The following PTPRO variants were observed in gnomAD, a reference collection of about 807,000 sequenced individuals.
PTPRO encodes receptor-type tyrosine-protein phosphatase O.
In PTPRO, 62 loss-of-function variants were observed where a neutral mutation model predicts 145.2. That is an observed-to-expected ratio of 0.43 (90% CI 0.35 to 0.53). PTPRO has a LOEUF of 0.53. Among genes scored for constraint, PTPRO ranks in the 20% least tolerant of loss-of-function variants. The pLI, the probability that PTPRO is intolerant of heterozygous loss-of-function variation, is 0.01. For synonymous variants in PTPRO, 565 were observed against 514.7 expected, an observed-to-expected ratio of 1.10 and a Z score of -1.32; for missense variants, 1,345 against 1,482.7, an observed-to-expected ratio of 0.91 and a Z score of 1.53.
At position 15,502,014 on chromosome 12, in the gene PTPRO, C is replaced by T. The variant is rs781753478; in HGVS notation, c.1056C>T (p.Pro352=). 1.2e-6 allele frequency: 2 copies of T among 1,613,950 alleles called. No individual in the cohort carries two copies. ...PVQMILTWLP[P]KPPTAFDGFH... ...AAATGATATTGACCTGGTTACCACC[C>T]AAACCACCCACTGCTTTTGATGGGT... Residue 352 remains proline (P), a synonymous_variant, in exon 5 of 27, where the codon CCC becomes CCT. Coordinates refer to ENST00000281171, the MANE Select transcript of PTPRO (RefSeq NM_030667.3).
chr12:15,589,085 C>T lies in PTPRO; in HGVS notation c.3411-370C>T, dbSNP rs1268558527. Among the ~76,000 whole-genome samples, 3 of 152,150 alleles carry T rather than the reference C, an allele frequency of 2.0e-5. No individual in the cohort carries two copies. In the East Asian group the frequency reaches 5.8e-4, roughly 29 times the overall value. ...CAGTTTTATTTCAACAGTAAAGTAG[C>T]ACCATCTGGGCTGGCCGAGGTGGCT... is the stretch of plus-strand genomic sequence containing the variant. On this transcript the variant is annotated intron_variant, in intron 24 of 26. Coordinates refer to ENST00000281171, the MANE Select transcript of PTPRO (RefSeq NM_030667.3).
intron 1 of PTPRO, among the ~76,000 whole-genome samples, chr12:15,423,069 C>G (rs753725920): frequency 2.0e-5 from 3 of 152,128 alleles, no homozygotes; most frequent in Non-Finnish European, 4.4e-5. Context: ...ATTTTACATT[C>G]CAGGAGAGAA....
At chr12:15,425,429 T>C (rs531187177) in intron 1 of PTPRO, among the ~76,000 whole-genome samples, 1 of 152,298 alleles carries the variant, frequency 6.6e-6, no homozygotes, top group South Asian at 2.1e-4. Context: ...CAGGGAATGC[T>C]ACAAAGCCCT....
intron 1 of PTPRO, among the ~76,000 whole-genome samples, chr12:15,334,704 T>C (rs764284067): frequency 5.9e-5 from 9 of 152,106 alleles, no homozygotes; most frequent in East Asian, 1.9e-4. Flanking sequence ...AAGCCAAAAA[T>C]AGAAGGAAAA....
intron 1 of PTPRO, among the ~76,000 whole-genome samples, chr12:15,369,666 T>C (rs1273669820): frequency 6.6e-6 from 1 of 152,204 alleles, no homozygotes; most frequent in Non-Finnish European, 1.5e-5. Context: ...ATTTTCAGCC[T>C]CTAAATTCTC....
intron 1 of PTPRO, among the ~76,000 whole-genome samples, chr12:15,463,645 T>C (rs1941353888): frequency 6.6e-6 from 1 of 152,194 alleles, no homozygotes; most frequent in South Asian, 2.1e-4. Flanking sequence ...TTATTCCCAA[T>C]TTACAAGCTT....
intron 18 of PTPRO, among the ~76,000 whole-genome samples, chr12:15,568,989 C>T (rs1591749468): frequency 6.6e-6 from 1 of 152,172 alleles, no homozygotes; most frequent in African/African-American, 2.4e-5. Context: ...TGGATGAGAA[C>T]ATTGACTCTG....
At chr12:15,548,457 T>A (rs1018649196) in intron 13 of PTPRO, among the ~76,000 whole-genome samples, 32 of 152,170 alleles carry the variant, frequency 2.1e-4, no homozygotes, top group African/African-American at 7.7e-4. Flanking sequence ...TGAGTATATG[T>A]GTATGTGTGT....
chr12:15,406,434 T>A (rs1939649835), intron 1 of PTPRO, among the ~76,000 whole-genome samples: 1 of 152,224 alleles, frequency 6.6e-6, no homozygotes. Context: ...TTGATCAGCA[T>A]CAATTTTTCT....
intron 1 of PTPRO, among the ~76,000 whole-genome samples, chr12:15,323,879 T>C (rs1029043282): frequency 6.6e-6 from 1 of 152,156 alleles, no homozygotes; most frequent in Non-Finnish European, 1.5e-5. Context: ...ACAGGACCAA[T>C]GGATTAAGAA....
intron 1 of PTPRO, among the ~76,000 whole-genome samples, chr12:15,397,758 A>G (rs1939382478): frequency 6.6e-6 from 1 of 152,186 alleles, no homozygotes. Flanking sequence ...ACATTCTATC[A>G]GTTCTATGTG....
chr12:15,530,046 AAAAC>A (rs1426959303), intron 12 of PTPRO, among the ~76,000 whole-genome samples: 1 of 152,344 alleles, frequency 6.6e-6, no homozygotes, highest in Admixed American at 6.5e-5. Context: ...ATGCAACTGG[AAAAC>A]AAACAAGCAA....
intron 1 of PTPRO, among the ~76,000 whole-genome samples, chr12:15,453,899 A>G (rs545849306): frequency 1.3e-5 from 2 of 152,336 alleles, no homozygotes; most frequent in African/African-American, 4.8e-5. Context: ...GTAGTTGCAT[A>G]TCGTAGGACT....
At chr12:15,545,465 A>G (rs757568961) in intron 12 of PTPRO, among the ~76,000 whole-genome samples, 2 of 150,812 alleles carry the variant, frequency 1.3e-5, no homozygotes. Context: ...GACAACATCC[A>G]AAAGACAGGG....
chr12:15,560,936 T>C (rs1216278323), intron 17 of PTPRO, among the ~76,000 whole-genome samples: 1 of 152,144 alleles, frequency 6.6e-6, no homozygotes, highest in Non-Finnish European at 1.5e-5. Flanking sequence ...AGCAGACTCC[T>C]TTAATTTCTT....
At chr12:15,413,756 A>C (rs1484373386) in intron 1 of PTPRO, among the ~76,000 whole-genome samples, 3 of 152,170 alleles carry the variant, frequency 2.0e-5, no homozygotes, top group Non-Finnish European at 4.4e-5. Context: ...CGGAGGTTGC[A>C]GCGAGCCAAG....
chr12:15,486,845 T>C (rs1941898741), intron 2 of PTPRO, among the ~76,000 whole-genome samples: 1 of 151,636 alleles, frequency 6.6e-6, no homozygotes, highest in South Asian at 2.1e-4. Flanking sequence ...ATTATTATAA[T>C]ATAATACAAT....
chr12:15,397,799 T>C (rs147283237), intron 1 of PTPRO, among the ~76,000 whole-genome samples: 2 of 152,272 alleles, frequency 1.3e-5, no homozygotes, highest in Non-Finnish European at 2.9e-5. Flanking sequence ...GATAAATGCA[T>C]AAATAAGTCT....
At chr12:15,506,083 C>T (rs1241692047) in intron 6 of PTPRO, among the ~76,000 whole-genome samples, 3 of 152,194 alleles carry the variant, frequency 2.0e-5, no homozygotes, top group Non-Finnish European at 4.4e-5. Context: ...ATTTAGCCTG[C>T]CATGACCCAT....
Sources: gnomAD v4.1 joint callset for allele counts (sites outside exome capture counted in the v4.1 genomes callset) on GRCh38, gnomAD v4.1.1 for gene constraint, MANE v1.5 for transcripts, NCBI Gene and HGNC (gene_info 2026-07-23, HGNC 2026-07-21) for gene names.